Variants in CCDC171 observed in about 807,000 individuals in gnomAD.
The protein encoded by CCDC171 is coiled-coil domain containing 171.
Under a neutral mutation model 168.2 loss-of-function variants are expected in CCDC171, and 177 were observed. The observed-to-expected ratio is 1.05, with a 90% CI of 0.93 to 1.19. CCDC171 has a LOEUF of 1.19. Ranked by LOEUF, CCDC171 falls within the 50% of genes most tolerant of loss-of-function variation. The probability of loss-of-function intolerance (pLI) is 0.00; values close to 1 mark genes in which losing one functional copy is unlikely to be tolerated. For missense variants in CCDC171, 1,991 were observed against 1,539.0 expected, an observed-to-expected ratio of 1.29 and a Z score of -4.91; for synonymous variants, 687 against 540.8, an observed-to-expected ratio of 1.27 and a Z score of -3.75.
At chr9:15,801,227 A>G (rs181224956) in intron 21 of CCDC171, among the ~76,000 whole-genome samples, 213 of 152,012 alleles carry the variant, frequency 1.4e-3, no homozygotes, top group Non-Finnish European at 2.8e-3. Context: ...AACAATATTG[A>G]TTCTTTCAAT....
chr9:15,894,329 T>C (rs999634464), intron 24 of CCDC171, among the ~76,000 whole-genome samples: 3 of 152,020 alleles, frequency 2.0e-5, no homozygotes, highest in Non-Finnish European at 4.4e-5. Context: ...GATGCTGGGC[T>C]TAATACCTAG....
At chr9:15,777,579 T>C in intron 18 of CCDC171, 21 bp from the exon 19 acceptor site, 1 of 1,512,654 alleles carries the variant, frequency 6.6e-7, no homozygotes, top group African/African-American at 1.4e-5. Flanking sequence ...TTTTTGTGCC[T>C]TTTTTTCTTT....
At chr9:15,703,592 T>C (rs2051965322) in intron 11 of CCDC171, among the ~76,000 whole-genome samples, 1 of 152,230 alleles carries the variant, frequency 6.6e-6, no homozygotes. Context: ...GACAGGATTC[T>C]TTTTCTATGG....
intron 22 of CCDC171, 133 bp from the exon 23 acceptor site, chr9:15,848,755 TTAAAA>T (rs1468950472): frequency 1.7e-5 from 8 of 461,944 alleles, no homozygotes; most frequent in Non-Finnish European, 2.7e-5. Context: ...ATTTAAAAAG[TTAAAA>T]TAAATTAAAA....
rs375112088 is a variant in CCDC171, at chr9:15,847,682, C to T, written c.3413+835C>T. On this transcript the variant is annotated intron_variant, in intron 22 of 25. Coordinates refer to ENST00000380701, the MANE Select transcript of CCDC171 (RefSeq NM_173550.4). ...GAATTTCTTTACTTGCAAAAATATA[C>T]GTTAAATATTTTTTGAGACAAACTC... Among the ~76,000 whole-genome samples, 76 of 152,106 alleles carry T rather than the reference C, an allele frequency of 5.0e-4. No individual in the cohort carries two copies. In the South Asian group the frequency reaches 0.015, roughly 30 times the overall value.
chr9:15,715,226 G>A (rs1424678586), intron 11 of CCDC171, among the ~76,000 whole-genome samples: 1 of 152,232 alleles, frequency 6.6e-6, no homozygotes, highest in Non-Finnish European at 1.5e-5. Flanking sequence ...CGTAGTTAGA[G>A]AGTGAGAAGG....
At chr9:15,960,514 G>A (rs897942955) in intron 25 of CCDC171, among the ~76,000 whole-genome samples, 1 of 152,132 alleles carries the variant, frequency 6.6e-6, no homozygotes, top group Non-Finnish European at 1.5e-5. Flanking sequence ...ATAAAGCCTA[G>A]GGGTATATTA....
chr9:15,958,511 G>T lies in CCDC171; in HGVS notation c.3754-13098G>T, dbSNP rs1471974883. On this transcript the variant is annotated intron_variant, in intron 25 of 25. Transcript: ENST00000380701. ...TATGGGGTGTTATAATAACACGGAGGTGAGGTATTATATTATATTATATTA... is the reference window on the plus strand; with the variant it reads ...TATGGGGTGTTATAATAACACGGAGTTGAGGTATTATATTATATTATATTA... Among the ~76,000 whole-genome samples, 3 of 114,932 alleles carry T rather than the reference G, an allele frequency of 2.6e-5. No individual in the cohort carries two copies. The South Asian group carries it at 8.1e-4, about 31-fold the overall frequency. The allele number at this position is 114,932 out of a possible 152,430, so 75.4% of individuals were successfully genotyped here. A position where few individuals can be genotyped will look rare whatever the true frequency, so the allele number is the denominator to read the frequency against.
the CCDC171 span, among the ~76,000 whole-genome samples, chr9:16,093,999 A>G: frequency 6.6e-6 from 1 of 152,162 alleles, no homozygotes; most frequent in Non-Finnish European, 1.5e-5. Flanking sequence ...TAGTTAATTG[A>G]GCCAAACTGG....
At chr9:15,994,150 C>T (rs1468692144) in intron 3 of CCDC171, among the ~76,000 whole-genome samples, 2 of 148,474 alleles carry the variant, frequency 1.3e-5, no homozygotes, top group African/African-American at 5.3e-5. Context: ...ATGTTTATTG[C>T]AGTATAATCG....
At chr9:16,038,329 A>T (rs2133051490), upstream of CCDC171, among the ~76,000 whole-genome samples, 1 of 152,284 alleles carries the variant, frequency 6.6e-6, no homozygotes, top group East Asian at 1.9e-4. Flanking sequence ...GGGGAAGTTA[A>T]ATTTAAACAA....
At chr9:16,068,058 C>G in the CCDC171 span, among the ~76,000 whole-genome samples, 1 of 150,184 alleles carries the variant, frequency 6.7e-6, no homozygotes, top group Non-Finnish European at 1.5e-5. Flanking sequence ...CTAGAAAACC[C>G]CATTGTCTCA....
intron 3 of CCDC171, among the ~76,000 whole-genome samples, chr9:15,573,530 C>T (rs1368997119): frequency 9.2e-5 from 14 of 152,156 alleles, no homozygotes; most frequent in Admixed American, 9.2e-4. Flanking sequence ...GATCTGCCCA[C>T]CTTGGCCTCC....
At chr9:15,921,069 G>A (rs1825258219) in intron 25 of CCDC171, among the ~76,000 whole-genome samples, 1 of 151,668 alleles carries the variant, frequency 6.6e-6, no homozygotes, top group Non-Finnish European at 1.5e-5. Flanking sequence ...TCCCTCAAAA[G>A]GCTGATATGT....
upstream of CCDC171, among the ~76,000 whole-genome samples, chr9:16,041,144 C>G (rs950510654): frequency 6.6e-6 from 1 of 152,150 alleles, no homozygotes; most frequent in African/African-American, 2.4e-5. Context: ...GAAGGCAGCA[C>G]TAGGTGAGTA....
At chr9:15,928,342 G>C (rs535475747) in intron 25 of CCDC171, among the ~76,000 whole-genome samples, 7 of 151,768 alleles carry the variant, frequency 4.6e-5, no homozygotes, top group South Asian at 4.1e-4. Flanking sequence ...AGATTACGTC[G>C]GAGTTGACAT....
intron 9 of CCDC171, among the ~76,000 whole-genome samples, chr9:15,669,207 G>T (rs2048938175): frequency 6.6e-6 from 1 of 152,024 alleles, no homozygotes; most frequent in South Asian, 2.1e-4. Flanking sequence ...ATTTTAGATG[G>T]AATGTATATA....
At chr9:15,594,511 A>C (rs1387311504) in intron 6 of CCDC171, among the ~76,000 whole-genome samples, 1 of 152,210 alleles carries the variant, frequency 6.6e-6, no homozygotes, top group Non-Finnish European at 1.5e-5. Flanking sequence ...GATGTTAAAG[A>C]ATCCTTACAA....
downstream of CCDC171, among the ~76,000 whole-genome samples, chr9:16,063,558 G>A (rs766756780): frequency 4.6e-5 from 7 of 152,186 alleles, no homozygotes; most frequent in Non-Finnish European, 7.3e-5. Flanking sequence ...TACTCTTCTC[G>A]TTCCTTGATT....
Sources: allele counts gnomAD v4.1 joint callset (sites outside exome capture counted in the v4.1 genomes callset), GRCh38; gene constraint gnomAD v4.1.1; transcripts MANE v1.5; gene names NCBI Gene and HGNC (gene_info 2026-07-23, HGNC 2026-07-21).